The following SLC13A4 variants were observed in gnomAD, a reference collection of about 807,000 sequenced individuals.
The protein encoded by SLC13A4 is Na(+)/sulfate cotransporter SUT-1.
Under a neutral mutation model 72.7 loss-of-function variants are expected in SLC13A4, and 28 were observed. The observed-to-expected ratio is 0.39, with a 90% confidence interval of 0.29 to 0.53. The LOEUF (loss-of-function observed/expected upper bound fraction) is 0.53. SLC13A4 is among the 20% of genes least tolerant of loss of function. The probability of loss-of-function intolerance (pLI) is 0.78; values close to 1 mark genes in which losing one functional copy is unlikely to be tolerated. For missense variants in SLC13A4, 653 were observed against 788.0 expected (o/e 0.83, Z 2.05); for synonymous variants, 312 against 325.5 (o/e 0.96, Z 0.45).
At chr7:135,693,626 G>A (rs1795840023) in intron 10 of SLC13A4, among the ~76,000 whole-genome samples, 1 of 152,194 alleles carries the variant, frequency 6.6e-6, no homozygotes, top group Admixed American at 6.5e-5. Flanking sequence ...GCACTAAATA[G>A]GAAGCTGGGT....
At chr7:135,688,113 T>C (rs1795680458) in intron 13 of SLC13A4, among the ~76,000 whole-genome samples, 1 of 151,928 alleles carries the variant, frequency 6.6e-6, no homozygotes, top group Non-Finnish European at 1.5e-5. Flanking sequence ...GTAGCTGGGA[T>C]TACAGGCGCG....
intron 15 of SLC13A4, chr7:135,683,485 C>CTG (rs548492863): frequency 0.037 from 36,398 of 983,798 alleles, 710 homozygotes; most frequent in Middle Eastern, 0.071. Flanking sequence ...CCTCTCCCCC[C>CTG]CCGCTCAGCC....
intron 13 of SLC13A4, among the ~76,000 whole-genome samples, chr7:135,686,168 C>T (rs145356529): frequency 2.0e-3 from 297 of 152,276 alleles, no homozygotes; most frequent in African/African-American, 6.8e-3. Flanking sequence ...TGGATAGTAG[C>T]CTTTCCTGTG....
chr7:135,683,947 T>C (rs1795562340), intron 15 of SLC13A4, 177 bp downstream of exon 15: 2 of 574,162 alleles, frequency 3.5e-6, no homozygotes, highest in South Asian at 1.5e-4. Context: ...TTGCTATCCT[T>C]GGTGCTTATA....
intron 15 of SLC13A4, chr7:135,683,458 G>A (rs893530809): frequency 2.9e-5 from 29 of 984,514 alleles, no homozygotes; most frequent in South Asian, 4.7e-5. Context: ...TCAGTAATTC[G>A]TATCAGTGTT....
chr7:135,686,364 C>G (rs1795624286), intron 13 of SLC13A4, among the ~76,000 whole-genome samples: 1 of 152,120 alleles, frequency 6.6e-6, no homozygotes, highest in Non-Finnish European at 1.5e-5. Context: ...GTTCTACTAT[C>G]TGTCAGGAAT....
chr7:135,720,574 A>C (rs1028331419), intron 2 of SLC13A4, among the ~76,000 whole-genome samples: 5 of 141,462 alleles, frequency 3.5e-5, no homozygotes, highest in South Asian at 2.3e-4. Context: ...AAAAAAAAAA[A>C]CCAAAAACAA....
chr7:135,708,121 G>A lies in SLC13A4; in HGVS notation c.358C>T (p.Pro120Ser). 1.2e-6 allele frequency: 2 copies of A among 1,613,086 alleles called. No individual in the cohort carries two copies. Among genetic ancestry groups the A allele is most frequent in the Non-Finnish European group, 1.7e-6 (2 of 1,179,154 alleles). ...ATCCCAAATAAGACTTACATGCCCG[G>A]CTTGGCTCCGGCCATCAAGACCATG... ...LRMVLMAGAK[P>S]GMLLLCFMCC... is the part of the protein sequence containing the mutation. Residue 120 changes from proline (P) to serine (S), a missense_variant, in exon 3 of 16, where the codon CCG (proline) becomes TCG (serine). By Grantham distance (74) the Pro-to-Ser change is moderately conservative. Coordinates refer to ENST00000682651, the MANE Select transcript of SLC13A4 (RefSeq NM_001318192.2).
intron 13 of SLC13A4, among the ~76,000 whole-genome samples, chr7:135,689,949 G>A (rs1274783982): frequency 3.3e-5 from 5 of 152,112 alleles, no homozygotes; most frequent in African/African-American, 1.2e-4. Context: ...GGAGGCCAAG[G>A]TGGGTGGATC....
intron 11 of SLC13A4, 79 bp from the exon 12 acceptor site, chr7:135,691,724 C>T (rs764921589): frequency 3.5e-5 from 33 of 955,700 alleles, no homozygotes; most frequent in Admixed American, 1.3e-4. Context: ...GCAGTCTGTC[C>T]GAACACAGTG....
intron 2 of SLC13A4, among the ~76,000 whole-genome samples, chr7:135,713,009 T>A (rs999687534): frequency 2.6e-5 from 4 of 152,192 alleles, no homozygotes; most frequent in Admixed American, 1.3e-4. Context: ...CCTTCTCTGG[T>A]CCCTGGGTCT....
chr7:135,710,091 C>T (rs1413662349), intron 2 of SLC13A4, among the ~76,000 whole-genome samples: 1 of 152,118 alleles, frequency 6.6e-6, no homozygotes, highest in Non-Finnish European at 1.5e-5. Flanking sequence ...ATAGAAAAGT[C>T]TAACTTCTAA....
rs559614917 is a variant in SLC13A4 at position 135,719,407 on chromosome 7, T to C, written c.228+1988A>G. Reference sequence around the variant, plus strand: ...AGTTTTCTCACTTTAAAAGGTTATTTAGGATTCAGTTCTTTCTAAACATCA... The same window carrying C: ...AGTTTTCTCACTTTAAAAGGTTATTCAGGATTCAGTTCTTTCTAAACATCA... On this transcript the variant is annotated intron_variant, in intron 2 of 15. Coordinates refer to ENST00000682651, the MANE Select transcript of SLC13A4 (RefSeq NM_001318192.2). Among the ~76,000 whole-genome samples, 12 of 152,334 alleles carry C rather than the reference T, an allele frequency of 7.9e-5. No individual in the cohort carries two copies. In the South Asian group the frequency reaches 2.5e-3, roughly 32 times the overall value.
intron 2 of SLC13A4, among the ~76,000 whole-genome samples, chr7:135,712,645 C>T (rs1796329580): frequency 6.6e-6 from 1 of 152,146 alleles, no homozygotes; most frequent in East Asian, 1.9e-4. Context: ...AGGCCATTAG[C>T]ACACAGAGTG....
At chr7:135,711,247 G>A (rs1796294228) in intron 2 of SLC13A4, among the ~76,000 whole-genome samples, 1 of 152,180 alleles carries the variant, frequency 6.6e-6, no homozygotes, top group Admixed American at 6.5e-5. Context: ...GCCCTGCGAA[G>A]CTTTTCAAGT....
At chr7:135,710,203 G>A (rs565540556) in intron 2 of SLC13A4, among the ~76,000 whole-genome samples, 61 of 152,264 alleles carry the variant, frequency 4.0e-4, no homozygotes, top group Admixed American at 1.2e-3. Context: ...CATAGCATTT[G>A]AAATAATATG....
At chr7:135,724,663 A>G (rs2129495591) in intron 1 of SLC13A4, among the ~76,000 whole-genome samples, 1 of 152,328 alleles carries the variant, frequency 6.6e-6, no homozygotes, top group East Asian at 1.9e-4. Context: ...TACTGGAAGA[A>G]GTAAGTCATC....
At chr7:135,683,572 A>C (rs1795554939) in intron 15 of SLC13A4, 5 of 985,272 alleles carry the variant, frequency 5.1e-6, no homozygotes, top group Non-Finnish European at 6.0e-6. Flanking sequence ...AGTCAGCAGC[A>C]AAATATCTCA....
intron 6 of SLC13A4, 196 bp from the exon 7 acceptor site, chr7:135,701,956 A>T: frequency 1.9e-6 from 1 of 514,016 alleles, no homozygotes; most frequent in Non-Finnish European, 3.4e-6. Context: ...CAAGTTCTCC[A>T]CTTGAAGAGG....
Sources: allele counts gnomAD v4.1 joint callset (sites outside exome capture counted in the v4.1 genomes callset), GRCh38; gene constraint gnomAD v4.1.1; transcripts MANE v1.5; gene names NCBI Gene and HGNC (gene_info 2026-07-23, HGNC 2026-07-21).